Variants in PLXDC1 observed in about 807,000 individuals in gnomAD.
The protein encoded by PLXDC1 is plexin domain containing 1, also known as plexin domain-containing protein 1.
PLXDC1 carries 39 observed loss-of-function variants against 61.3 expected under a neutral mutation model. The ratio of observed to expected loss-of-function variants is 0.64; its 90% CI spans 0.49 to 0.83. PLXDC1 has a LOEUF of 0.83. PLXDC1 is among the 40% of genes least tolerant of loss of function. The pLI is 0.00. For synonymous variants in PLXDC1, 212 were observed against 254.5 expected, an observed-to-expected ratio of 0.83 and a Z score of 1.59; for missense variants, 596 against 666.5, an observed-to-expected ratio of 0.89 and a Z score of 1.17.
chr17:39,063,556 G>A lies in PLXDC1; in HGVS notation c.*4284C>T. On this transcript the variant is annotated 3_prime_UTR_variant, in exon 14 of 14. Coordinates refer to ENST00000315392, the MANE Select transcript of PLXDC1 (RefSeq NM_020405.5). ...AGCCATCAGAACCAAGGTATGTGTG[G>A]TGATCTTCGGAATGCCACTCCAAAT... is the stretch of plus-strand genomic sequence containing the variant. The A allele has an allele frequency of 1.4e-6, 1 of 696,248 alleles. No homozygotes were observed. The highest frequency in any genetic ancestry group is 2.6e-6 in the Non-Finnish European group (1 of 382,928). The allele number at this position is 696,248 out of a possible 1,614,324, so 43.1% of individuals were successfully genotyped here. A position where few individuals can be genotyped will look rare whatever the true frequency, so the allele number is the denominator to read the frequency against.
chr17:39,078,413 C>A (rs540729500), intron 10 of PLXDC1, among the ~76,000 whole-genome samples: 39 of 152,312 alleles, frequency 2.6e-4, no homozygotes, highest in Non-Finnish European at 5.0e-4. Context: ...CCCCTGTGAT[C>A]GATCAATGGG....
In PLXDC1 at chr17:39,067,843, G is replaced by A. The variant is rs745788717; in HGVS notation, c.1500C>T (p.Cys500=). The A allele has an allele frequency of 1.2e-6, 2 of 1,613,548 alleles. No individual in the cohort carries two copies. Among genetic ancestry groups the A allele is most frequent in the Non-Finnish European group, 8.5e-7 (1 of 1,179,530 alleles). Residue 500 remains cysteine (C), a synonymous_variant, in exon 14 of 14, where the codon TGC becomes TGT. Transcript: ENST00000315392. ...TCAAAGGGGAGACTTGGTGTTCTCA[G>A]CACTGCTCAGCCTCCATGAAGCCCT... The part of the protein sequence containing the change: ...EKEGFMEAEQ[C]
rs987041026 is a variant in PLXDC1 at position 39,151,292 on chromosome 17, C to G, written c.76+70G>C. On this transcript the variant is annotated intron_variant, in intron 1 of 13. Coordinates refer to ENST00000315392, the MANE Select transcript of PLXDC1 (RefSeq NM_020405.5). This position sits in a 1 kb window ranked among gnomAD's most constrained non-coding sequence, Gnocchi z 5.2. ...ACATCGCCAGGCCGTCCACACCTGC[C>G]CATGCCCACACCTGACTGCCCGTCC... 7 of 1,148,750 alleles carry G rather than the reference C, an allele frequency of 6.1e-6. No individual in the cohort carries two copies. The Admixed American group carries it at 2.5e-4, about 42-fold the overall frequency. 71.2% of individuals were successfully genotyped at this position (1,148,750 alleles called of 1,614,324 possible). A position where few individuals can be genotyped will look rare whatever the true frequency, so the allele number is the denominator to read the frequency against.
At chr17:39,145,236 G>C (rs1423539577) in intron 1 of PLXDC1, among the ~76,000 whole-genome samples, 1 of 152,230 alleles carries the variant, frequency 6.6e-6, no homozygotes, top group African/African-American at 2.4e-5. Context: ...GAACCTGAGA[G>C]CTTCCCTGGG....
intron 2 of PLXDC1, among the ~76,000 whole-genome samples, chr17:39,128,087 C>CATATATATGTGTGTATATATATGTATA: frequency 1.5e-5 from 1 of 67,252 alleles, no homozygotes; most frequent in Admixed American, 1.5e-4. Flanking sequence ...CTCTCTCTCT[C>CATATATATGTGTGTATATATATGTATA]TCTCTATGTG....
chr17:39,130,445 C>A (rs1054556453), intron 2 of PLXDC1, among the ~76,000 whole-genome samples: 1 of 152,094 alleles, frequency 6.6e-6, no homozygotes, highest in Admixed American at 6.6e-5. Flanking sequence ...AGAGCAAGAC[C>A]CTTTCTCAAG....
chr17:39,083,684 G>C (rs1909644236), intron 8 of PLXDC1, 144 bp from the exon 9 acceptor site: 2 of 684,990 alleles, frequency 2.9e-6, no homozygotes, highest in Admixed American at 4.5e-5. Context: ...CACCTCCCTT[G>C]GTCCAGTCTA....
chr17:39,088,360 T>C (rs945384506), intron 7 of PLXDC1, among the ~76,000 whole-genome samples: 2 of 152,224 alleles, frequency 1.3e-5, no homozygotes, highest in African/African-American at 4.8e-5. Flanking sequence ...CTTTGGTCCC[T>C]GCAGAAACTT....
intron 2 of PLXDC1, among the ~76,000 whole-genome samples, chr17:39,115,700 G>A (rs575880028): frequency 1.9e-4 from 29 of 152,306 alleles, no homozygotes; most frequent in African/African-American, 6.7e-4. Flanking sequence ...AAGGGAAGCT[G>A]GCATTTGCTG....
At chr17:39,128,044 GCTCTCTCTCTCTCTCTCTCTCTGTCT>G (rs1178485871) in intron 2 of PLXDC1, among the ~76,000 whole-genome samples, 3 of 95,580 alleles carry the variant, frequency 3.1e-5, no homozygotes, top group African/African-American at 4.4e-5. Context: ...CACTAGGACA[GCTCTCTCTCTCTCTCTCTCTCTGTCT>G]CTCTCTCTCT....
rs528400558 is a variant in PLXDC1, at chr17:39,072,866, C to T, written c.1187-381G>A. 5.0e-3 allele frequency among the ~76,000 whole-genome samples: 761 copies of T among 152,306 alleles called. 4 individuals carry two copies. Among genetic ancestry groups the T allele is most frequent in the Middle Eastern group, 0.01 (3 of 294 alleles). ...TGCAGTGTGCAGGAGAGAGTCCCAA[C>T]CCACTTTCTGTCTATACCTCGAGGC... is the stretch of plus-strand genomic sequence containing the variant. On this transcript the variant is annotated intron_variant, in intron 11 of 13. Transcript: ENST00000315392.
intron 6 of PLXDC1, among the ~76,000 whole-genome samples, chr17:39,106,775 G>A (rs1475925422): frequency 6.7e-6 from 1 of 150,258 alleles, no homozygotes; most frequent in Non-Finnish European, 1.5e-5. Context: ...TCAGCCTCCT[G>A]AGTAGCTGAG....
At chr17:39,086,965 G>A (rs2143456921) in intron 8 of PLXDC1, among the ~76,000 whole-genome samples, 2 of 151,964 alleles carry the variant, frequency 1.3e-5, no homozygotes, top group East Asian at 3.9e-4. Flanking sequence ...AGATGGGAGA[G>A]GAAATGAAGA....
At position 39,065,813 on chromosome 17, in the gene PLXDC1, G is replaced by C. The variant is rs1018979710; in HGVS notation, c.*2027C>G. 6.6e-6 allele frequency: 1 copy of C among 152,422 alleles called. No individual in the cohort carries two copies. Among genetic ancestry groups the C allele is most frequent in the Non-Finnish European group, 1.5e-5 (1 of 68,216 alleles). The allele number at this position is 152,422 out of a possible 1,614,324, so 9.4% of individuals were successfully genotyped here. A position where few individuals can be genotyped will look rare whatever the true frequency, so the allele number is the denominator to read the frequency against. Reference sequence around the variant, plus strand: ...GGCTGACAGTCCAGCAAGGCAAGGAGGTAGGTACTTCACACACTGTGCACA... The same window carrying C: ...GGCTGACAGTCCAGCAAGGCAAGGACGTAGGTACTTCACACACTGTGCACA... On this transcript the variant is annotated 3_prime_UTR_variant, in exon 14 of 14. Transcript: ENST00000315392.
chr17:39,148,636 TG>T (rs2045355769), intron 1 of PLXDC1, among the ~76,000 whole-genome samples: 1 of 152,140 alleles, frequency 6.6e-6, no homozygotes, highest in Admixed American at 6.5e-5. Flanking sequence ...GGTTTCACCA[TG>T]TTAGCCAGGC....
At chr17:39,099,839 G>A (rs1255026844) in intron 7 of PLXDC1, among the ~76,000 whole-genome samples, 10 of 152,074 alleles carry the variant, frequency 6.6e-5, no homozygotes, top group South Asian at 2.1e-4. Context: ...GTAGGCAGAC[G>A]CTAGCATGGC....
intron 2 of PLXDC1, among the ~76,000 whole-genome samples, chr17:39,139,179 C>T (rs1818739763): frequency 6.6e-6 from 1 of 152,178 alleles, no homozygotes; most frequent in African/African-American, 2.4e-5. Context: ...AGGAGCTGCA[C>T]CCTAATTGCT....
chr17:39,142,426 C>T (rs1289983353), intron 1 of PLXDC1, among the ~76,000 whole-genome samples: 1 of 152,220 alleles, frequency 6.6e-6, no homozygotes, highest in Non-Finnish European at 1.5e-5. Flanking sequence ...AGTGACTACA[C>T]ACAGGCCATT....
At chr17:39,070,744 G>A (rs1281025706) in intron 12 of PLXDC1, among the ~76,000 whole-genome samples, 4 of 152,162 alleles carry the variant, frequency 2.6e-5, no homozygotes, top group Non-Finnish European at 5.9e-5. Context: ...TTAGGAGGCC[G>A]AGGCAGGCAG....
Sources: gnomAD v4.1 joint callset for allele counts (sites outside exome capture counted in the v4.1 genomes callset) on GRCh38, gnomAD v4.1.1 for gene constraint, Gnocchi (gnomAD v3.1) non-coding constraint, MANE v1.5 for transcripts, NCBI Gene and HGNC (gene_info 2026-07-23, HGNC 2026-07-21) for gene names.